NT5DC4: variants seen among roughly 807,000 people sequenced by gnomAD.
The protein encoded by NT5DC4 is 5'-nucleotidase domain-containing protein 4.
Under a neutral mutation model 26.6 loss-of-function variants are expected in NT5DC4, and 44 were observed. The ratio of observed to expected loss-of-function variants is 1.65; its 90% CI spans 1.30 to 2.13. NT5DC4 has a LOEUF of 2.13. NT5DC4 is among the 30% of genes most tolerant of loss of function. NT5DC4 has a pLI of 0.00. For synonymous variants in NT5DC4, 157 were observed against 86.7 expected, an observed-to-expected ratio of 1.81 and a Z score of -4.51; for missense variants, 399 against 228.1, an observed-to-expected ratio of 1.75 and a Z score of -4.83.
chr2:112,739,324 A>G (rs1679679220), downstream of NT5DC4, among the ~76,000 whole-genome samples: 1 of 152,054 alleles, frequency 6.6e-6, no homozygotes, highest in Admixed American at 6.6e-5. Flanking sequence ...AGGAGGGTGA[A>G]GTGGGAGGAC....
At chr2:112,725,728 C>T (rs536698540) in intron 13 of NT5DC4, among the ~76,000 whole-genome samples, 176 bp downstream of exon 13, 1 of 152,172 alleles carries the variant, frequency 6.6e-6, no homozygotes, top group Admixed American at 6.5e-5. Flanking sequence ...AGAGGCTAAG[C>T]GGCCTGCCCG....
intron 15 of NT5DC4, among the ~76,000 whole-genome samples, chr2:112,728,404 G>C (rs1038739749): frequency 6.6e-6 from 1 of 152,170 alleles, no homozygotes; most frequent in Non-Finnish European, 1.5e-5. Context: ...GATGCTTCTG[G>C]GTTAAAAACA....
intron 16 of NT5DC4, among the ~76,000 whole-genome samples, chr2:112,736,160 G>C (rs1230723544): frequency 1.4e-4 from 21 of 152,072 alleles, no homozygotes; most frequent in Admixed American, 1.4e-3. Context: ...GAACCTGGTC[G>C]ACGGGCTTAG....
chr2:112,740,911 T>C (rs1679896724), downstream of NT5DC4: 1 of 1,614,054 alleles, frequency 6.2e-7, no homozygotes, highest in Admixed American at 1.7e-5. Flanking sequence ...TTCCCTCTCT[T>C]TTGGAGAAAG....
At position 112,723,170 on chromosome 2, in the gene NT5DC4, A is replaced by C. The variant is rs1299796851; in HGVS notation, c.617A>C (p.Gln206Pro). Residue 206 changes from glutamine (Q) to proline (P), a missense_variant, in exon 7 of 17, where the codon CAG becomes CCG. Gln to Pro is a moderately conservative substitution (Grantham distance 76). Coordinates refer to ENST00000688554, the MANE Select transcript of NT5DC4 (RefSeq NM_001393655.1). ...ACTGATGCCATGAATAACATCCACC[A>C]GTCGGTGAGTGAGTGGTCCAGAACC... Reference protein sequence around the residue: ...DVTDAMNNIHQSGCLKKTLED... With the variant: ...DVTDAMNNIHPSGCLKKTLED... The C allele has an allele frequency of 1.4e-6, 1 of 717,204 alleles. No homozygotes were observed. Among genetic ancestry groups the C allele is most frequent in the Admixed American group, 2.0e-5 (1 of 49,990 alleles). The allele number at this position is 717,204 out of a possible 1,614,324, so 44.4% of individuals were successfully genotyped here.
chr2:112,738,446 G>C (rs191863798), intron 16 of NT5DC4: 2 of 188,418 alleles, frequency 1.1e-5, no homozygotes, highest in South Asian at 1.0e-4. Context: ...CACGATGAAA[G>C]AACTTGCCCT....
chr2:112,727,008 C>T (rs1294342076), intron 15 of NT5DC4: 56 of 523,282 alleles, frequency 1.1e-4, no homozygotes, highest in Middle Eastern at 1.1e-3. Context: ...TCACCCTGCC[C>T]GGGAAGTGCC....
chr2:112,721,334 A>C (rs1012380742), intron 1 of NT5DC4, among the ~76,000 whole-genome samples, 181 bp downstream of exon 1: 1 of 152,180 alleles, frequency 6.6e-6, no homozygotes, highest in Non-Finnish European at 1.5e-5. Context: ...GGAACTGACC[A>C]CACACACTCC....
At position 112,729,539 on chromosome 2, in the gene NT5DC4, G is replaced by A. The variant is rs1574268071; in HGVS notation, c.1267-88G>A. 8 of 700,386 alleles carry A rather than the reference G, an allele frequency of 1.1e-5. No individual in the cohort carries two copies. The East Asian group carries it at 2.2e-4, about 19-fold the overall frequency. 43.4% of individuals were successfully genotyped at this position (700,386 alleles called of 1,614,324 possible). On this transcript the variant is annotated intron_variant, in intron 15 of 16. Coordinates refer to ENST00000688554, the MANE Select transcript of NT5DC4 (RefSeq NM_001393655.1). ...GTTGGGCAGGAAGTTGGCAGCTGTG[G>A]GCAGGGGAGCCTGTGCATAGCTGAG...
At chr2:112,726,652 G>A (rs1375484626) in intron 14 of NT5DC4, 26 bp from the exon 15 acceptor site, 1 of 717,464 alleles carries the variant, frequency 1.4e-6, no homozygotes, top group Non-Finnish European at 2.6e-6. Flanking sequence ...TGCCTCCCCT[G>A]GGTCACCTAG....
chr2:112,735,038 ATTTTT>A lies in NT5DC4; in HGVS notation c.1345-3856_1345-3852del, dbSNP rs70965024. On this transcript the variant is annotated intron_variant, in intron 16 of 16. Coordinates refer to ENST00000688554, the MANE Select transcript of NT5DC4 (RefSeq NM_001393655.1). ...GAGTACATGCCAGGGAGGCAAGAAC[ATTTTT>A]TTTTTTTTTTTTTTTTTTGAGACTG... is the stretch of plus-strand genomic sequence containing the variant. 3.9e-4 allele frequency among the ~76,000 whole-genome samples: 37 copies of A among 94,482 alleles called. 2 individuals carry two copies. The highest frequency in any genetic ancestry group is 1.2e-3 in the African/African-American group (29 of 23,506). The allele number at this position is 94,482 out of a possible 152,430, so 62.0% of individuals were successfully genotyped here.
rs1489752764 is a variant in NT5DC4, at chr2:112,725,530, G to A, written c.1131G>A (p.Leu377=). ...CLVVPELSWE[L]DIWAQEKERL... ...TGGTTCCTGAGCTGTCCTGGGAGCTGGACATCTGGGCCCAGGAGAAGGGTG... is the reference window on the plus strand; with the variant it reads ...TGGTTCCTGAGCTGTCCTGGGAGCTAGACATCTGGGCCCAGGAGAAGGGTG... The change falls in exon 13 of 17, where the codon CTG becomes CTA. Residue 377 remains leucine (L), a synonymous_variant. Transcript: ENST00000688554. 1 of 712,152 alleles carries A rather than the reference G, an allele frequency of 1.4e-6. No individual in the cohort carries two copies. The highest frequency in any genetic ancestry group is 1.7e-5 in the African/African-American group (1 of 57,284). The allele number at this position is 712,152 out of a possible 1,614,324, so 44.1% of individuals were successfully genotyped here.
Position 112,722,018 on chromosome 2 carries a change from T to TGGTGTCCATGTGTGC in NT5DC4, c.181_182insGGTGTCCATGTGTGC (p.Phe61delinsTrpCysProCysValLeu). ...GTCCCCAGCTTATGAGGCCCTGACC[T>TGGTGTCCATGTGTGC]TCGAGCTGCTGCTGGAGCGCCTGGT... On this transcript the variant is annotated protein_altering_variant, in exon 3 of 17. Coordinates refer to ENST00000688554, the MANE Select transcript of NT5DC4 (RefSeq NM_001393655.1). 2 of 717,230 alleles carry TGGTGTCCATGTGTGC rather than the reference T, an allele frequency of 2.8e-6. No homozygotes were observed. Among genetic ancestry groups the TGGTGTCCATGTGTGC allele is most frequent in the Middle Eastern group, 4.6e-4 (2 of 4,372 alleles). 44.4% of individuals were successfully genotyped at this position (717,230 alleles called of 1,614,324 possible).
downstream of NT5DC4, among the ~76,000 whole-genome samples, chr2:112,742,131 A>G (rs1412813623): frequency 6.6e-5 from 10 of 152,172 alleles, no homozygotes; most frequent in African/African-American, 2.4e-4. Context: ...ACCTTTTAAG[A>G]TAACAAGAAG....
intron 13 of NT5DC4, among the ~76,000 whole-genome samples, chr2:112,725,991 T>C (rs1677659669): frequency 6.6e-6 from 1 of 152,146 alleles, no homozygotes. Flanking sequence ...GCTTTAGGTT[T>C]GAGTCATTGC....
chr2:112,736,551 C>G (rs1679199759), intron 16 of NT5DC4: 1 of 152,184 alleles, frequency 6.6e-6, no homozygotes, highest in South Asian at 2.1e-4. Flanking sequence ...TATCTCTAGA[C>G]TTGTTCATTT....
At chr2:112,720,086 C>T (rs1297786764), upstream of NT5DC4, among the ~76,000 whole-genome samples, 1 of 147,390 alleles carries the variant, frequency 6.8e-6, no homozygotes, top group Non-Finnish European at 1.5e-5. Flanking sequence ...CACTCTGTTG[C>T]CCAGCCTGGA....
In NT5DC4 at chr2:112,722,251, G is replaced by T. The variant is rs1424561173; in HGVS notation, c.335G>T (p.Gly112Val). ...KVDAHGNVLL[G>V]AYGFTFLSDL... ...GACGCCCACGGGAATGTGCTGCTGG[G>T]TGCCTATGGCTTCACCTTCCTCTCG... Residue 112 changes from glycine to valine, a missense_variant, in exon 4 of 17, where the codon GGT becomes GTT. Transcript: ENST00000688554. 1.4e-6 allele frequency: 1 copy of T among 717,118 alleles called. No individual in the cohort carries two copies. The allele number at this position is 717,118 out of a possible 1,614,324, so 44.4% of individuals were successfully genotyped here.
rs1025171095 is a variant in NT5DC4 at position 112,722,222 on chromosome 2, G to A, written c.306G>A (p.Lys102=). Residue 102 remains lysine (K), a synonymous_variant, in exon 4 of 17, where the codon AAG becomes AAA. Transcript: ENST00000688554. ...ATGAACTCTATGGGAACCTGCTGAAGGTGGACGCCCACGGGAATGTGCTGC... is the reference window on the plus strand; with the variant it reads ...ATGAACTCTATGGGAACCTGCTGAAAGTGGACGCCCACGGGAATGTGCTGC... ...VFDELYGNLL[K]VDAHGNVLLG... 5.6e-6 allele frequency: 4 copies of A among 716,950 alleles called. No individual in the cohort carries two copies. Among genetic ancestry groups the A allele is most frequent in the Non-Finnish European group, 1.0e-5 (4 of 385,100 alleles). The allele number at this position is 716,950 out of a possible 1,614,324, so 44.4% of individuals were successfully genotyped here.
Sources: gnomAD v4.1 joint callset for allele counts (sites outside exome capture counted in the v4.1 genomes callset) on GRCh38, gnomAD v4.1.1 for gene constraint, MANE v1.5 for transcripts, NCBI Gene and HGNC (gene_info 2026-07-23, HGNC 2026-07-21) for gene names.